The following MDGA2 variants were observed in gnomAD, a reference collection of about 807,000 sequenced individuals.
MDGA2 encodes MAM domain containing glycosylphosphatidylinositol anchor 2.
In MDGA2, 40 loss-of-function variants were observed where a neutral mutation model predicts 117.8. That is an observed-to-expected ratio of 0.34 (90% confidence interval 0.26 to 0.44). The LOEUF (loss-of-function observed/expected upper bound fraction) is 0.44. Ranked by LOEUF, MDGA2 falls within the 20% of genes least tolerant of loss-of-function variation. The probability of loss-of-function intolerance (pLI) is 1.00; values close to 1 mark genes in which losing one functional copy is unlikely to be tolerated. For synonymous variants in MDGA2, 452 were observed against 439.0 expected (o/e 1.03, Z -0.37); for missense variants, 1,123 against 1,250.6 (o/e 0.90, Z 1.54).
At chr14:46,954,242 A>C (rs1014649337) in intron 9 of MDGA2, among the ~76,000 whole-genome samples, 1 of 151,922 alleles carries the variant, frequency 6.6e-6, no homozygotes, top group African/African-American at 2.4e-5. Flanking sequence ...ACGTGCACCC[A>C]TGTCTCCAGG....
chr14:47,420,863 A>G (rs1192771476), intron 1 of MDGA2, among the ~76,000 whole-genome samples: 1 of 152,126 alleles, frequency 6.6e-6, no homozygotes, highest in East Asian at 1.9e-4. Flanking sequence ...TCGTAGCACA[A>G]ACTGTATTTC....
At chr14:47,069,234 T>C (rs1890191950) in intron 6 of MDGA2, among the ~76,000 whole-genome samples, 1 of 152,232 alleles carries the variant, frequency 6.6e-6, no homozygotes, top group South Asian at 2.1e-4. Flanking sequence ...GATCTCCTAA[T>C]CAATTAATCC....
At chr14:47,329,195 G>C (rs1594799254) in intron 1 of MDGA2, among the ~76,000 whole-genome samples, 1 of 152,154 alleles carries the variant, frequency 6.6e-6, no homozygotes, top group African/African-American at 2.4e-5. Context: ...GCCCCTCAAA[G>C]TGTTGAGATT....
At chr14:47,114,168 GAGAATAAAATACCAA>G (rs1164572668) in intron 5 of MDGA2, among the ~76,000 whole-genome samples, 11 of 151,984 alleles carry the variant, frequency 7.2e-5, no homozygotes, top group Admixed American at 2.6e-4. Context: ...CTGCTACAAA[GAGAATAAAATACCAA>G]AGAATAAAAT....
chr14:47,345,898 A>T (rs762517155), intron 1 of MDGA2, among the ~76,000 whole-genome samples: 21 of 152,112 alleles, frequency 1.4e-4, no homozygotes, highest in Non-Finnish European at 2.4e-4. Context: ...ATCTCATAGA[A>T]GTAAAAAGTA....
At chr14:47,364,631 G>A (rs924037406) in intron 1 of MDGA2, among the ~76,000 whole-genome samples, 6 of 152,144 alleles carry the variant, frequency 3.9e-5, no homozygotes, top group African/African-American at 1.4e-4. Flanking sequence ...ACCAAATAAA[G>A]TCTTTTCTTT....
intron 8 of MDGA2, among the ~76,000 whole-genome samples, chr14:46,973,351 G>A (rs1886339675): frequency 1.3e-5 from 2 of 152,068 alleles, no homozygotes; most frequent in Non-Finnish European, 2.9e-5. Flanking sequence ...ATTTTTTTGA[G>A]GAAGACTTTT....
chr14:46,869,662 T>G lies in MDGA2; in HGVS notation c.2752+3771A>C, dbSNP rs1491909. The stretch of plus-strand genomic sequence containing the variant: ...TTGGGCATTTCTCTCCCCTTGGGTA[T>G]GGGCTTGAATTATCAACTCAGTCAC... On this transcript the variant is annotated intron_variant, in intron 14 of 16. Coordinates refer to ENST00000399232, the MANE Select transcript of MDGA2 (RefSeq NM_001113498.3). 1.9e-3 allele frequency among the ~76,000 whole-genome samples: 287 copies of G among 152,024 alleles called. 3 individuals are homozygous for G. The East Asian group carries it at 0.045, about 24-fold the overall frequency.
chr14:47,384,765 T>C (rs1002124417), intron 1 of MDGA2, among the ~76,000 whole-genome samples: 7 of 152,030 alleles, frequency 4.6e-5, no homozygotes, highest in Admixed American at 3.9e-4. Flanking sequence ...GAACAAAATA[T>C]TGCAAAAACA....
At chr14:47,288,428 T>C (rs899363372) in intron 2 of MDGA2, among the ~76,000 whole-genome samples, 1 of 152,158 alleles carries the variant, frequency 6.6e-6, no homozygotes, top group Non-Finnish European at 1.5e-5. Flanking sequence ...TGATACCATA[T>C]TGCAGACCCA....
intron 1 of MDGA2, among the ~76,000 whole-genome samples, chr14:47,512,552 G>T (rs1894663754): frequency 6.6e-6 from 1 of 152,118 alleles, no homozygotes; most frequent in Non-Finnish European, 1.5e-5. Flanking sequence ...CTTATTAAGA[G>T]ATGCTTTGTT....
intron 1 of MDGA2, among the ~76,000 whole-genome samples, chr14:47,366,010 C>A (rs1412201557): frequency 3.3e-5 from 5 of 152,106 alleles, no homozygotes; most frequent in Admixed American, 3.3e-4. Flanking sequence ...ATCACAAAGA[C>A]AATCTCAATA....
chr14:47,380,650 G>C (rs568640591), intron 1 of MDGA2, among the ~76,000 whole-genome samples: 2 of 152,046 alleles, frequency 1.3e-5, no homozygotes, highest in East Asian at 1.9e-4. Flanking sequence ...ACTCTCCCAA[G>C]ACTAAACCAG....
At chr14:47,498,645 A>G (rs1029512233) in intron 1 of MDGA2, among the ~76,000 whole-genome samples, 2 of 152,198 alleles carry the variant, frequency 1.3e-5, no homozygotes, top group African/African-American at 2.4e-5. Flanking sequence ...CAGGAAAAAA[A>G]TAATGGCATT....
chr14:47,364,269 T>A lies in MDGA2; in HGVS notation c.281-62719A>T, dbSNP rs532497779. On this transcript the variant is annotated intron_variant, in intron 1 of 16. Transcript: ENST00000399232. ...TGTTAATCCAGAATTATATTATATT[T>A]ATTTATTTATTTTGAGATGGAGTCT... Among the ~76,000 whole-genome samples, 10 of 152,254 alleles carry A rather than the reference T, an allele frequency of 6.6e-5. No homozygotes were observed. The East Asian group carries it at 1.7e-3, about 26-fold the overall frequency.
intron 2 of MDGA2, among the ~76,000 whole-genome samples, chr14:47,286,803 TTATATATATATA>T (rs34614614): frequency 7.7e-6 from 1 of 130,034 alleles, no homozygotes; most frequent in Non-Finnish European, 1.5e-5. Flanking sequence ...AGGCATATCA[TTATATATATATA>T]TATATATATA....
chr14:47,550,051 TAA>T (rs921455639), intron 1 of MDGA2, among the ~76,000 whole-genome samples: 1 of 152,152 alleles, frequency 6.6e-6, no homozygotes, highest in Non-Finnish European at 1.5e-5. Flanking sequence ...TAGCATACTT[TAA>T]AAAAACTTCC....
At chr14:47,467,537 A>C (rs1268780324) in intron 1 of MDGA2, among the ~76,000 whole-genome samples, 1 of 152,106 alleles carries the variant, frequency 6.6e-6, no homozygotes, top group East Asian at 1.9e-4. Flanking sequence ...ATAGCTTGTC[A>C]TAATTTTCAA....
At chr14:47,221,921 T>C (rs1373230355) in intron 2 of MDGA2, among the ~76,000 whole-genome samples, 1 of 152,052 alleles carries the variant, frequency 6.6e-6, no homozygotes, top group Non-Finnish European at 1.5e-5. Context: ...TCAAGCCCAT[T>C]GACAATTTCA....
Sources: allele counts gnomAD v4.1 joint callset (sites outside exome capture counted in the v4.1 genomes callset), GRCh38; gene constraint gnomAD v4.1.1; transcripts MANE v1.5; gene names NCBI Gene and HGNC (gene_info 2026-07-23, HGNC 2026-07-21).